Variants in PTPRO observed in about 807,000 individuals in gnomAD.
The protein encoded by PTPRO is protein tyrosine phosphatase receptor type O.
PTPRO carries 62 observed loss-of-function variants against 145.2 expected under a neutral mutation model. The observed-to-expected ratio is 0.43, with a 90% CI of 0.35 to 0.53. PTPRO has a LOEUF of 0.53. PTPRO is among the 20% of genes least tolerant of loss of function. The pLI is 0.01. For synonymous variants in PTPRO, 565 were observed against 514.7 expected (o/e 1.10, Z -1.32); for missense variants, 1,345 against 1,482.7 (o/e 0.91, Z 1.53).
chr12:15,508,206 T>A (rs1942362152), intron 6 of PTPRO, among the ~76,000 whole-genome samples: 1 of 152,198 alleles, frequency 6.6e-6, no homozygotes, highest in African/African-American at 2.4e-5. Flanking sequence ...AGATCAAAGA[T>A]CCTAGTAGCA....
chr12:15,485,557 G>A (rs867999076), intron 2 of PTPRO, among the ~76,000 whole-genome samples: 3 of 152,164 alleles, frequency 2.0e-5, no homozygotes, highest in South Asian at 4.1e-4. Context: ...CAATTTAGTT[G>A]AGCAAGTAAT....
At chr12:15,534,512 A>G (rs1363845347) in intron 12 of PTPRO, among the ~76,000 whole-genome samples, 4 of 152,164 alleles carry the variant, frequency 2.6e-5, no homozygotes, top group African/African-American at 4.8e-5. Flanking sequence ...GATCTAGTGA[A>G]GGGGAAGATG....
intron 15 of PTPRO, among the ~76,000 whole-genome samples, chr12:15,555,410 A>AGTTGTATAT (rs1943594983): frequency 6.6e-6 from 1 of 152,220 alleles, no homozygotes; most frequent in South Asian, 2.1e-4. Flanking sequence ...ACAAAGAGGC[A>AGTTGTATAT]GCCAGTGAAG....
intron 18 of PTPRO, among the ~76,000 whole-genome samples, chr12:15,567,889 G>A (rs1943941617): frequency 6.6e-6 from 1 of 152,148 alleles, no homozygotes; most frequent in African/African-American, 2.4e-5. Context: ...TGGAGCTAAT[G>A]TTGTCTATTC....
intron 1 of PTPRO, among the ~76,000 whole-genome samples, chr12:15,328,106 CTT>C (rs1422544312): frequency 1.3e-5 from 2 of 149,214 alleles, no homozygotes; most frequent in Admixed American, 6.6e-5. Context: ...AAGAGTGAAA[CTT>C]GTCTCAAAAA....
intron 1 of PTPRO, 98 bp from the exon 2 acceptor site, chr12:15,483,876 A>G: frequency 7.6e-7 from 1 of 1,313,366 alleles, no homozygotes; most frequent in Non-Finnish European, 1.1e-6. Flanking sequence ...ACTAATGTTT[A>G]TGATACACAA....
chr12:15,488,721 G>C (rs1269873924), intron 2 of PTPRO, among the ~76,000 whole-genome samples: 1 of 152,160 alleles, frequency 6.6e-6, no homozygotes, highest in East Asian at 1.9e-4. Context: ...GTCACTCTTA[G>C]AGAAAGCTGA....
At chr12:15,367,421 C>G (rs57155182) in intron 1 of PTPRO, among the ~76,000 whole-genome samples, 2 of 152,144 alleles carry the variant, frequency 1.3e-5, no homozygotes, top group Non-Finnish European at 2.9e-5. Flanking sequence ...AAAATAGAAT[C>G]TTGAGAAGAA....
At chr12:15,516,681 G>T in intron 8 of PTPRO, 82 bp from the exon 9 acceptor site, 1 of 1,256,036 alleles carries the variant, frequency 8.0e-7, no homozygotes, top group South Asian at 1.2e-5. Flanking sequence ...GAAAACTCGG[G>T]TCATTAAGTA....
intron 9 of PTPRO, 44 bp downstream of exon 9, chr12:15,517,000 G>C (rs1457920073): frequency 2.6e-6 from 4 of 1,522,410 alleles, no homozygotes; most frequent in Non-Finnish European, 3.6e-6. Context: ...TATGGGAACA[G>C]GCAAACCTTT....
chr12:15,410,316 T>C (rs1477039976), intron 1 of PTPRO: 1 of 152,174 alleles, frequency 6.6e-6, no homozygotes, highest in Non-Finnish European at 1.5e-5. Flanking sequence ...GAGATAAGTA[T>C]TGGAATTGAT....
At chr12:15,364,821 G>A (rs1010120265) in intron 1 of PTPRO, among the ~76,000 whole-genome samples, 1 of 152,034 alleles carries the variant, frequency 6.6e-6, no homozygotes, top group Non-Finnish European at 1.5e-5. Flanking sequence ...ACTGAATCCC[G>A]GAATCACTGG....
Position 15,515,607 on chromosome 12 carries a change from C to T in PTPRO, c.1574C>T (p.Thr525Ile), listed in dbSNP as rs1942560113. The T allele has an allele frequency of 6.2e-7, 1 of 1,613,876 alleles. No homozygotes were observed. The highest frequency in any genetic ancestry group is 1.1e-5 in the South Asian group (1 of 91,078). Reference protein sequence around the residue: ...PLIGPPSDPVTFAIVPTGIKD... With the variant: ...PLIGPPSDPVIFAIVPTGIKD... ...ATTGGACCACCTTCAGATCCTGTGACATTTGCTATTGGTAAGTTGCTAGCC... is the reference window on the plus strand; with the variant it reads ...ATTGGACCACCTTCAGATCCTGTGATATTTGCTATTGGTAAGTTGCTAGCC... Residue 525 changes from threonine (T) to isoleucine (I), a missense_variant, in exon 8 of 27, where the codon ACA becomes ATA. Thr to Ile is a moderately conservative substitution (Grantham distance 89). Transcript: ENST00000281171.
chr12:15,544,914 T>C lies in PTPRO; in HGVS notation c.2165-1655T>C, dbSNP rs368544582. ...GGGCTCCTGACACCTATTGTGAATT[T>C]TGCTTGCCTAAGAAGAACTCATCTC... On this transcript the variant is annotated intron_variant, in intron 12 of 26. Transcript: ENST00000281171. Among the ~76,000 whole-genome samples the C allele has an allele frequency of 5.9e-5, 9 of 152,176 alleles. No individual in the cohort carries two copies. The East Asian group carries it at 7.7e-4, about 13-fold the overall frequency.
At chr12:15,462,247 C>G (rs1941321241) in intron 1 of PTPRO, among the ~76,000 whole-genome samples, 1 of 152,176 alleles carries the variant, frequency 6.6e-6, no homozygotes, top group Non-Finnish European at 1.5e-5. Context: ...GCCTCAGTGT[C>G]CCAAGTAGCT....
At chr12:15,487,997 G>T (rs1306853642) in intron 2 of PTPRO, among the ~76,000 whole-genome samples, 1 of 152,122 alleles carries the variant, frequency 6.6e-6, no homozygotes, top group Admixed American at 6.5e-5. Context: ...TTTGCCAAAG[G>T]TGAAATAGTG....
At chr12:15,541,048 G>A (rs1267827959) in intron 12 of PTPRO, among the ~76,000 whole-genome samples, 1 of 152,156 alleles carries the variant, frequency 6.6e-6, no homozygotes, top group African/African-American at 2.4e-5. Flanking sequence ...CTCATTTTAT[G>A]AAAATGGTAT....
chr12:15,361,799 C>G (rs1463081500), intron 1 of PTPRO, among the ~76,000 whole-genome samples: 1 of 152,160 alleles, frequency 6.6e-6, no homozygotes, highest in Non-Finnish European at 1.5e-5. Context: ...TATTTAGCCT[C>G]TAATATGCAA....
chr12:15,418,633 T>C (rs146824285), intron 1 of PTPRO, among the ~76,000 whole-genome samples: 7 of 151,876 alleles, frequency 4.6e-5, no homozygotes, highest in African/African-American at 9.7e-5. Flanking sequence ...AGGGGATTCC[T>C]GGCAAGGAGA....
Sources: gnomAD v4.1 joint callset for allele counts (sites outside exome capture counted in the v4.1 genomes callset) on GRCh38, gnomAD v4.1.1 for gene constraint, MANE v1.5 for transcripts, NCBI Gene and HGNC (gene_info 2026-07-23, HGNC 2026-07-21) for gene names.